TMEM165: variants seen among roughly 807,000 people sequenced by gnomAD.
TMEM165 encodes the protein transmembrane protein 165.
A neutral mutation model predicts 30.0 loss-of-function variants in TMEM165; 19 were observed. The ratio of observed to expected loss-of-function variants is 0.63; its 90% CI spans 0.44 to 0.93. The LOEUF (loss-of-function observed/expected upper bound fraction) is 0.93. Ranked by LOEUF, TMEM165 falls within the 40% of genes least tolerant of loss-of-function variation. The probability of loss-of-function intolerance (pLI) is 0.00; values close to 1 mark genes in which losing one functional copy is unlikely to be tolerated. For synonymous variants in TMEM165, 168 were observed against 162.9 expected (o/e 1.03, Z -0.24); for missense variants, 340 against 417.0 (o/e 0.82, Z 1.61).
rs56821240 is a variant in TMEM165 at position 55,400,244 on chromosome 4, T to TATTATA, written c.207+3849_207+3854dup. ...TATATTAATATATTAATGTAATTAA[T>TATTATA]ATTATATTATATTAATATATAATAT... On this transcript the variant is annotated intron_variant, in intron 1 of 5. Coordinates refer to ENST00000381334, the MANE Select transcript of TMEM165 (RefSeq NM_018475.5). Among the ~76,000 whole-genome samples, 32 of 93,758 alleles carry TATTATA rather than the reference T, an allele frequency of 3.4e-4. 1 individual carries two copies. The South Asian group carries it at 4.4e-3, about 13-fold the overall frequency. 61.5% of individuals were successfully genotyped at this position (93,758 alleles called of 152,430 possible).
downstream of TMEM165, chr4:55,429,035 TTGTC>T (rs998306591): frequency 5.3e-5 from 8 of 151,354 alleles, no homozygotes; most frequent in Non-Finnish European, 1.0e-4. Context: ...TTGAAGATGA[TTGTC>T]TGGTTATACA....
At chr4:55,427,181 G>GCC (rs1722247713), downstream of TMEM165, among the ~76,000 whole-genome samples, 1 of 150,288 alleles carries the variant, frequency 6.7e-6, no homozygotes. Flanking sequence ...TTACAGGCGT[G>GCC]CACTACCACG....
At chr4:55,435,164 A>C (rs866491834) in intron 3 of TMEM165, 12 of 509,640 alleles carry the variant, frequency 2.4e-5, no homozygotes, top group Middle Eastern at 1.1e-3. Context: ...TTTCCATCAA[A>C]AAATATCCAG....
rs1473598056 is a variant in TMEM165 at position 55,443,835 on chromosome 4, T to C, written c.409-8404T>C. Reference sequence around the variant, plus strand: ...TGCAAGTTGCTGGATATTAGATGAATTTCCAGAAGAAAGTTGAACGGAACC... The same window carrying C: ...TGCAAGTTGCTGGATATTAGATGAACTTCCAGAAGAAAGTTGAACGGAACC... On this transcript the variant is annotated intron_variant, in intron 3 of 3. Transcript: ENST00000608091. The C allele has an allele frequency of 2.5e-6, 4 of 1,613,744 alleles. No homozygotes were observed. In the Admixed American group the frequency reaches 6.7e-5, roughly 27 times the overall value.
chr4:55,410,423 TTTTTTTTTGAGACAGAGTTTCACTCA>T (rs1017027843), intron 1 of TMEM165, among the ~76,000 whole-genome samples: 1 of 151,558 alleles, frequency 6.6e-6, no homozygotes, highest in African/African-American at 2.4e-5. Flanking sequence ...CTTTACCTTC[TTTTTTTTTGAGACAGAGTTTCACTCA>T]TTGCCCATTG....
At chr4:55,425,233 G>C in intron 5 of TMEM165, 143 bp from the exon 6 acceptor site, 2 of 643,338 alleles carry the variant, frequency 3.1e-6, no homozygotes, top group South Asian at 4.0e-5. Flanking sequence ...TGTAAAAGGG[G>C]TTGAAGTGAT....
chr4:55,427,350 G>GTT (rs1722260116), downstream of TMEM165, among the ~76,000 whole-genome samples: 1 of 92,728 alleles, frequency 1.1e-5, no homozygotes, highest in Admixed American at 1.1e-4. Flanking sequence ...AATACGTTTT[G>GTT]TTTGTTTGGA....
At chr4:55,445,492 T>TG (rs1370251076) in intron 3 of TMEM165, among the ~76,000 whole-genome samples, 1 of 151,724 alleles carries the variant, frequency 6.6e-6, no homozygotes, top group African/African-American at 2.4e-5. Context: ...TAGGAGCTTG[T>TG]GGGGAGTCTT....
intron 1 of TMEM165, among the ~76,000 whole-genome samples, chr4:55,400,249 T>TA (rs376316386): frequency 1.9e-5 from 1 of 52,062 alleles, no homozygotes; most frequent in Non-Finnish European, 3.6e-5. Context: ...ATTAATATTA[T>TA]ATTATATTAA....
intron 1 of TMEM165, among the ~76,000 whole-genome samples, chr4:55,408,504 A>G (rs559050018): frequency 2.2e-3 from 338 of 152,236 alleles, no homozygotes; most frequent in Non-Finnish European, 3.9e-3. Flanking sequence ...AACATTTTAT[A>G]TATATAAAAA....
chr4:55,416,156 G>A (rs528324373), intron 2 of TMEM165: 1 of 152,164 alleles, frequency 6.6e-6, no homozygotes, highest in South Asian at 2.1e-4. Flanking sequence ...TGCCTGGCCA[G>A]AGTAATTGTA....
At chr4:55,405,935 CTTG>C (rs1721251534) in intron 1 of TMEM165, among the ~76,000 whole-genome samples, 1 of 152,228 alleles carries the variant, frequency 6.6e-6, no homozygotes, top group African/African-American at 2.4e-5. Context: ...TGGTTTACTT[CTTG>C]TTCTCAGAAC....
intron 3 of TMEM165, among the ~76,000 whole-genome samples, chr4:55,436,278 CAAACA>C (rs1722871673): frequency 6.6e-6 from 1 of 152,126 alleles, no homozygotes. Context: ...TAAAGACAGA[CAAACA>C]AAACAAAATG....
chr4:55,401,805 A>G (rs943716840), intron 1 of TMEM165, among the ~76,000 whole-genome samples: 2 of 150,166 alleles, frequency 1.3e-5, no homozygotes, highest in African/African-American at 5.1e-5. Flanking sequence ...GCTGTCATCA[A>G]AAAAATTCAT....
At chr4:55,444,639 C>A in intron 3 of TMEM165, 1 of 1,613,996 alleles carries the variant, frequency 6.2e-7, no homozygotes, top group Non-Finnish European at 8.5e-7. Flanking sequence ...TTACCTGCAG[C>A]CCCTGACCAT....
rs1038917571 is a variant in TMEM165, at chr4:55,425,547, G to A, written c.*95G>A. On this transcript the variant is annotated 3_prime_UTR_variant, in exon 6 of 6. Coordinates refer to ENST00000381334, the MANE Select transcript of TMEM165 (RefSeq NM_018475.5). ...CAACTAAAAGTGATGGAAAAATACT[G>A]TATTTTGTAGCACTGATTTTGTGAG... The A allele has an allele frequency of 3.1e-5, 30 of 954,032 alleles. No homozygotes were observed. Among genetic ancestry groups the A allele is most frequent in the Non-Finnish European group, 4.5e-5 (28 of 620,050 alleles). The allele number at this position is 954,032 out of a possible 1,614,324, so 59.1% of individuals were successfully genotyped here. A position where few individuals can be genotyped will look rare whatever the true frequency, so the allele number is the denominator to read the frequency against.
In TMEM165 at chr4:55,411,781, C is replaced by T; in HGVS notation, c.375C>T (p.Asn125=). ...CAGCCATCATGGCAATGCGCTATAA[C>T]CGCCTGACCGTGCTGGCTGGTGCAA... The part of the protein sequence containing the change: ...FIAAIMAMRY[N]RLTVLAGAML... The change falls in exon 2 of 6, where the codon AAC becomes AAT. Residue 125 remains asparagine, a synonymous_variant. Coordinates refer to ENST00000381334, the MANE Select transcript of TMEM165 (RefSeq NM_018475.5). The T allele has an allele frequency of 1.2e-6, 2 of 1,614,188 alleles. No individual in the cohort carries two copies. The highest frequency in any genetic ancestry group is 1.1e-5 in the South Asian group (1 of 91,084).
chr4:55,449,942 C>G, intron 3 of TMEM165: 1 of 935,180 alleles, frequency 1.1e-6, no homozygotes, highest in Non-Finnish European at 1.6e-6. Flanking sequence ...TGGGCAATGT[C>G]CCTTTAACTC....
At chr4:55,417,590 T>C (rs765728436) in intron 3 of TMEM165, 24 of 576,186 alleles carry the variant, frequency 4.2e-5, no homozygotes, top group Admixed American at 6.7e-5. Flanking sequence ...TACTGTTTGG[T>C]TTGTTCAGCT....
Sources: gnomAD v4.1 joint callset for allele counts (sites outside exome capture counted in the v4.1 genomes callset) on GRCh38, gnomAD v4.1.1 for gene constraint, MANE v1.5 for transcripts, NCBI Gene and HGNC (gene_info 2026-07-23, HGNC 2026-07-21) for gene names.